Variants in SEZ6 observed in about 807,000 individuals in gnomAD.
The protein encoded by SEZ6 is seizure protein 6 homolog.
Under a neutral mutation model 101.0 loss-of-function variants are expected in SEZ6, and 53 were observed. The observed-to-expected ratio is 0.52, with a 90% confidence interval of 0.42 to 0.66. The LOEUF (loss-of-function observed/expected upper bound fraction) is 0.66, where lower values mean the gene tolerates loss of function less well. Ranked by LOEUF, SEZ6 falls within the 30% of genes least tolerant of loss-of-function variation. SEZ6 has a pLI of 0.00. For missense variants in SEZ6, 1,102 were observed against 1,289.4 expected, an observed-to-expected ratio of 0.85 and a Z score of 2.23; for synonymous variants, 488 against 512.2, an observed-to-expected ratio of 0.95 and a Z score of 0.64.
chr17:28,990,298 C>T (rs930566281), intron 1 of SEZ6, among the ~76,000 whole-genome samples: 12 of 152,042 alleles, frequency 7.9e-5, no homozygotes, highest in Non-Finnish European at 4.4e-5. Flanking sequence ...TTTCTTTACT[C>T]TGTCACCCAG....
Position 28,957,966 on chromosome 17 carries a change from G to T in SEZ6, c.2283C>A (p.Asp761Glu), listed in dbSNP as rs1379022919. ...MCQWDLTWSEDLPSCQRVTSC... is the reference protein window; with the variant it reads ...MCQWDLTWSEELPSCQRVTSC... Reference sequence around the variant, plus strand: ...ACTCACCCCTCTGGCATGAGGGCAGGTCCTCACTCCAAGTTAGGTCCCACT... The same window carrying T: ...ACTCACCCCTCTGGCATGAGGGCAGTTCCTCACTCCAAGTTAGGTCCCACT... The change falls in exon 11 of 17, where the codon GAC becomes GAA. Residue 761 changes from aspartate to glutamate, a missense_variant. By Grantham distance (45) the Asp-to-Glu change is conservative (BLOSUM62 2). This residue lies in a region of SEZ6 where 556 missense variants were observed against 735.1 expected (regional missense o/e 0.76). Coordinates refer to ENST00000317338, the MANE Select transcript of SEZ6 (RefSeq NM_178860.5). 2.5e-5 allele frequency: 41 copies of T among 1,613,610 alleles called. No homozygotes were observed. The Admixed American group carries it at 6.2e-4, about 24-fold the overall frequency.
At position 28,979,434 on chromosome 17, in the gene SEZ6, A is replaced by G. The variant is rs138556983; in HGVS notation, c.858+246T>C. Among the ~76,000 whole-genome samples, 139 of 152,310 alleles carry G rather than the reference A, an allele frequency of 9.1e-4. No homozygotes were observed. In the East Asian group the frequency reaches 0.019, roughly 21 times the overall value. On this transcript the variant is annotated intron_variant, in intron 3 of 16. Transcript: ENST00000317338. ...GCCCATAGATTCAGATGTAGGGTTT[A>G]TACTCACCCAGTCCCCTGCCCATCC...
chr17:28,960,617 A>T lies in SEZ6; in HGVS notation c.1464T>A (p.Tyr488Ter), dbSNP rs1283393955. ...CCTCAATGGGCAGGTATTCCACCTCATAGGAATCATACACTGGTGGGGCCT... is the reference window on the plus strand; with the variant it reads ...CCTCAATGGGCAGGTATTCCACCTCTTAGGAATCATACACTGGTGGGGCCT... ...NVEAPPVYDS[Y>*]EVEYLPIEGL... The change falls in exon 7 of 17, where the codon TAT (tyrosine) becomes TAA (stop). Residue 488 changes from tyrosine to a stop codon, truncating the protein, a stop_gained. Coordinates refer to ENST00000317338, the MANE Select transcript of SEZ6 (RefSeq NM_178860.5). LOFTEE classifies it high-confidence loss of function. 6.3e-7 allele frequency: 1 copy of T among 1,592,216 alleles called. No homozygotes were observed. Among genetic ancestry groups the T allele is most frequent in the Non-Finnish European group, 8.5e-7 (1 of 1,169,594 alleles).
At chr17:28,962,758 G>A (rs1197218808) in intron 5 of SEZ6, among the ~76,000 whole-genome samples, 2 of 149,184 alleles carry the variant, frequency 1.3e-5, no homozygotes, top group East Asian at 2.0e-4. Flanking sequence ...TCCAGCCTGG[G>A]TGACAGAGGG....
At chr17:28,965,112 G>T (rs1399234774) in intron 4 of SEZ6, among the ~76,000 whole-genome samples, 2 of 151,996 alleles carry the variant, frequency 1.3e-5, no homozygotes, top group African/African-American at 4.8e-5. Context: ...AGCACTTTGG[G>T]AGGCCGAAGT....
In SEZ6 at chr17:29,005,900, G is replaced by T; in HGVS notation, c.-31C>A. The T allele has an allele frequency of 1.4e-6, 2 of 1,416,658 alleles. No homozygotes were observed. Among genetic ancestry groups the T allele is most frequent in the South Asian group, 2.7e-5 (2 of 73,100 alleles). 87.8% of individuals were successfully genotyped at this position (1,416,658 alleles called of 1,614,324 possible). A position where few individuals can be genotyped will look rare whatever the true frequency, so the allele number is the denominator to read the frequency against. ...TGGTTGCGGCCGCGCCCTGGGCTGG[G>T]ACCGCGGCGGGAGGGCGGGGGGCTT... On this transcript the variant is annotated 5_prime_UTR_variant, in exon 1 of 17. Coordinates refer to ENST00000317338, the MANE Select transcript of SEZ6 (RefSeq NM_178860.5). The surrounding 1 kb of genome is among the most constrained non-coding windows in gnomAD (Gnocchi z 4.8).
chr17:28,961,673 G>A (rs1407611126), intron 5 of SEZ6, among the ~76,000 whole-genome samples: 2 of 152,194 alleles, frequency 1.3e-5, no homozygotes, highest in African/African-American at 4.8e-5. Flanking sequence ...AGACTGAACA[G>A]TTTGCCTATG....
At chr17:28,991,839 G>A (rs894287222) in intron 1 of SEZ6, among the ~76,000 whole-genome samples, 2 of 152,172 alleles carry the variant, frequency 1.3e-5, no homozygotes, top group Non-Finnish European at 2.9e-5. Context: ...ACTTGGCCGC[G>A]CACAGGTGCT....
chr17:28,974,148 A>G (rs1210607183), intron 3 of SEZ6, among the ~76,000 whole-genome samples: 1 of 152,182 alleles, frequency 6.6e-6, no homozygotes, highest in Admixed American at 6.5e-5. Context: ...ACGAGATGGC[A>G]CTACAGTTTT....
At chr17:28,956,659 G>C (rs1052578227) in intron 14 of SEZ6, 60 bp downstream of exon 14, 2 of 1,549,248 alleles carry the variant, frequency 1.3e-6, no homozygotes, top group African/African-American at 2.7e-5. Flanking sequence ...CCATGACCTG[G>C]GAGCCGTGAG....
chr17:28,981,540 T>C lies in SEZ6; in HGVS notation c.555A>G (p.Gln185=). 1 of 1,612,604 alleles carries C rather than the reference T, an allele frequency of 6.2e-7. No individual in the cohort carries two copies. The highest frequency in any genetic ancestry group is 8.5e-7 in the Non-Finnish European group (1 of 1,179,314). Residue 185 remains glutamine (Q), a synonymous_variant, in exon 2 of 17, where the codon CAA becomes CAG. Transcript: ENST00000317338. ...TPPSRAWTPT[Q]EGPGDMGRPW... ...GCCTTCCCATGTCTCCAGGACCCTC[T>C]TGGGTTGGTGTCCAGGCTCTGCTGG...
In SEZ6 at chr17:29,006,011, G is replaced by A. The variant is rs1169054523; in HGVS notation, c.-142C>T. 3.1e-6 allele frequency: 2 copies of A among 636,596 alleles called. No individual in the cohort carries two copies. Among genetic ancestry groups the A allele is most frequent in the African/African-American group, 1.9e-5 (1 of 51,420 alleles). 39.4% of individuals were successfully genotyped at this position (636,596 alleles called of 1,614,324 possible). ...GCCGTCACCGCCGCTGCCGCCGCCA[G>A]CGCCTGACAGAATCAGCACCACGGC... On this transcript the variant is annotated 5_prime_UTR_variant, in exon 1 of 17. Coordinates refer to ENST00000317338, the MANE Select transcript of SEZ6 (RefSeq NM_178860.5).
At chr17:28,968,273 C>G (rs1345063838) in intron 4 of SEZ6, among the ~76,000 whole-genome samples, 1 of 152,206 alleles carries the variant, frequency 6.6e-6, no homozygotes, top group Non-Finnish European at 1.5e-5. Context: ...AAGAGCTGAT[C>G]ATTGACAAAA....
chr17:28,982,574 C>T (rs1301509292), intron 1 of SEZ6, among the ~76,000 whole-genome samples: 1 of 152,192 alleles, frequency 6.6e-6, no homozygotes, highest in African/African-American at 2.4e-5. Context: ...TCTCAGTGAA[C>T]CTGCTGGTCA....
Position 29,005,117 on chromosome 17 carries a change from G to A in SEZ6, c.55+698C>T, listed in dbSNP as rs1295530061. On this transcript the variant is annotated intron_variant, in intron 1 of 16. Transcript: ENST00000317338. This position sits in a 1 kb window ranked among gnomAD's most constrained non-coding sequence, Gnocchi z 4.8. ...TGTGTGTGTGTGTGTGTGTGTGTGT[G>A]TACAAGGAAAGGACTTTGGGGAGGA... 7.1e-6 allele frequency among the ~76,000 whole-genome samples: 1 copy of A among 140,616 alleles called. No individual in the cohort carries two copies. Among genetic ancestry groups the A allele is most frequent in the Non-Finnish European group, 1.6e-5 (1 of 64,014 alleles). The allele number at this position is 140,616 out of a possible 152,430, so 92.2% of individuals were successfully genotyped here. A position where few individuals can be genotyped will look rare whatever the true frequency, so the allele number is the denominator to read the frequency against.
At chr17:28,967,657 A>G (rs2041090701) in intron 4 of SEZ6, among the ~76,000 whole-genome samples, 1 of 152,204 alleles carries the variant, frequency 6.6e-6, no homozygotes, top group Non-Finnish European at 1.5e-5. Context: ...AGCCAGGCTC[A>G]GGCCCAGCAT....
chr17:28,998,804 T>C (rs1261906942), intron 1 of SEZ6, among the ~76,000 whole-genome samples: 1 of 152,120 alleles, frequency 6.6e-6, no homozygotes, highest in Non-Finnish European at 1.5e-5. Context: ...TGCTGGGTCG[T>C]CACAGACCCA....
At chr17:28,984,518 C>T (rs765436978) in intron 1 of SEZ6, among the ~76,000 whole-genome samples, 1 of 152,208 alleles carries the variant, frequency 6.6e-6, no homozygotes, top group Non-Finnish European at 1.5e-5. Flanking sequence ...GCAGGCACAG[C>T]TCTTCCCGCT....
Position 28,956,443 on chromosome 17 carries a change from C to T in SEZ6, c.2756G>A (p.Ser919Asn). The T allele has an allele frequency of 6.4e-7, 1 of 1,558,560 alleles. No homozygotes were observed. Among genetic ancestry groups the T allele is most frequent in the African/African-American group, 1.4e-5 (1 of 73,566 alleles). ...TGCAATGTGGGCAGCATCCAGGGTG[C>T]TGGAGGCAGCAGGTGCCTTGGCAAC... is the stretch of plus-strand genomic sequence containing the variant. The part of the protein sequence containing the change: ...LDVAKAPAAS[S>N]TLDAAHIAAA... Residue 919 changes from serine to asparagine, a missense_variant, in exon 15 of 17, where the codon AGC becomes AAC. Around this residue, in one of 3 missense-constraint regions of SEZ6, gnomAD observed 140 missense variants for 135.7 expected, o/e 1.03. Transcript: ENST00000317338.
Sources: allele counts gnomAD v4.1 joint callset (sites outside exome capture counted in the v4.1 genomes callset), GRCh38; gene constraint gnomAD v4.1.1; regional missense constraint gnomAD v4.1.1; non-coding constraint Gnocchi (gnomAD v3.1); transcripts MANE v1.5; gene names NCBI Gene and HGNC (gene_info 2026-07-23, HGNC 2026-07-21).